The following STK3 variants were observed in gnomAD, a reference collection of about 807,000 sequenced individuals.
STK3 encodes the protein serine/threonine-protein kinase 3.
STK3 carries 41 observed loss-of-function variants against 58.0 expected under a neutral mutation model. The observed-to-expected ratio is 0.71, with a 90% CI of 0.55 to 0.92. The LOEUF is 0.92. Ranked by LOEUF, STK3 falls within the 40% of genes least tolerant of loss-of-function variation. The pLI, the probability that STK3 is intolerant of heterozygous loss-of-function variation, is 0.00. For synonymous variants in STK3, 170 were observed against 191.0 expected (o/e 0.89, Z 0.91); for missense variants, 479 against 602.7 (o/e 0.79, Z 2.15).
chr8:98,930,472 G>T (rs1161921196), intron 1 of STK3, among the ~76,000 whole-genome samples: 1 of 152,112 alleles, frequency 6.6e-6, no homozygotes, highest in Non-Finnish European at 1.5e-5. Context: ...CTGCTGCAAG[G>T]TCTGAATTAA....
chr8:98,774,959 T>C (rs988941031), intron 1 of STK3, 140 bp from the exon 2 acceptor site: 1 of 518,192 alleles, frequency 1.9e-6, no homozygotes, highest in South Asian at 4.1e-5. Context: ...ACATACATAG[T>C]AAACATTCTC....
intron 4 of STK3, among the ~76,000 whole-genome samples, chr8:98,730,324 T>C (rs1828081862): frequency 6.6e-6 from 1 of 152,218 alleles, no homozygotes; most frequent in South Asian, 2.1e-4. Context: ...TATTTTGTGT[T>C]CCCTCACACC....
intron 1 of STK3, chr8:98,905,468 T>A (rs1223725588): frequency 1.1e-5 from 14 of 1,260,182 alleles, no homozygotes; most frequent in Middle Eastern, 1.9e-4. Flanking sequence ...TCTTGCTGGC[T>A]TCCACGTTGA....
intron 1 of STK3, among the ~76,000 whole-genome samples, chr8:98,886,421 A>G (rs1345860959): frequency 6.6e-6 from 1 of 152,244 alleles, no homozygotes; most frequent in Non-Finnish European, 1.5e-5. Flanking sequence ...CAAATGTTCA[A>G]TGCAATGTAT....
intron 3 of STK3, among the ~76,000 whole-genome samples, chr8:98,835,319 T>C (rs1034668125): frequency 5.9e-5 from 9 of 152,244 alleles, no homozygotes; most frequent in Non-Finnish European, 1.3e-4. Context: ...AATTTTTCTT[T>C]ACCAGATGGC....
chr8:98,937,325 T>C (rs950570880), intron 1 of STK3, among the ~76,000 whole-genome samples: 2 of 152,210 alleles, frequency 1.3e-5, no homozygotes, highest in African/African-American at 4.8e-5. Context: ...TGGCATGAAG[T>C]GAAATAACAT....
intron 10 of STK3, among the ~76,000 whole-genome samples, chr8:98,515,738 T>C (rs1267311367): frequency 6.6e-6 from 1 of 151,996 alleles, no homozygotes; most frequent in African/African-American, 2.4e-5. Context: ...CAGGCATTAG[T>C]TTCTTCAGTT....
At chr8:98,742,885 C>G (rs1829331177) in intron 4 of STK3, among the ~76,000 whole-genome samples, 1 of 152,130 alleles carries the variant, frequency 6.6e-6, no homozygotes, top group South Asian at 2.1e-4. Context: ...AGCAAAGTCT[C>G]AGGATACAAA....
downstream of STK3, among the ~76,000 whole-genome samples, chr8:98,454,200 T>G (rs72666612): frequency 0.03 from 4,566 of 152,292 alleles, 106 homozygotes; most frequent in South Asian, 0.061. Flanking sequence ...ATTAGTGAAC[T>G]CATCAGCTTT....
chr8:98,644,705 G>A (rs1223225408), intron 6 of STK3, among the ~76,000 whole-genome samples: 2 of 151,972 alleles, frequency 1.3e-5, no homozygotes, highest in East Asian at 3.8e-4. Flanking sequence ...GAAGGCATAT[G>A]ACTCCTCCCC....
chr8:98,444,944 C>T (rs909279448), intron 1 of STK3, among the ~76,000 whole-genome samples: 1 of 152,102 alleles, frequency 6.6e-6, no homozygotes, highest in African/African-American at 2.4e-5. Context: ...TGGCATGCTT[C>T]CCTATGGGTG....
intron 4 of STK3, among the ~76,000 whole-genome samples, chr8:98,711,968 G>T (rs74446071): frequency 6.6e-6 from 1 of 152,114 alleles, no homozygotes; most frequent in Non-Finnish European, 1.5e-5. Flanking sequence ...GAAGACAGGG[G>T]GGCCAATAGT....
chr8:98,460,702 A>G (rs1819886575), intron 10 of STK3, among the ~76,000 whole-genome samples: 2 of 152,232 alleles, frequency 1.3e-5, no homozygotes, highest in African/African-American at 4.8e-5. Context: ...TCTCATGATA[A>G]TGAGTGAATT....
At chr8:98,903,486 A>AGTT (rs1587825305) in intron 1 of STK3, among the ~76,000 whole-genome samples, 2 of 142,890 alleles carry the variant, frequency 1.4e-5, no homozygotes, top group South Asian at 2.2e-4. Context: ...CAATTTAGGA[A>AGTT]GTTCTTCTTC....
At chr8:98,449,821 G>C (rs1358382469), downstream of STK3, among the ~76,000 whole-genome samples, 2 of 152,142 alleles carry the variant, frequency 1.3e-5, no homozygotes, top group African/African-American at 4.8e-5. Context: ...TCCGGAAATG[G>C]ATTGGTCTCT....
At chr8:98,640,076 C>A (rs988571277) in intron 6 of STK3, among the ~76,000 whole-genome samples, 2 of 152,136 alleles carry the variant, frequency 1.3e-5, no homozygotes, top group African/African-American at 4.8e-5. Flanking sequence ...CATTCAGAGA[C>A]AGGATCTCAC....
At chr8:98,940,762 C>T (rs1430546871) in intron 1 of STK3, among the ~76,000 whole-genome samples, 1 of 152,220 alleles carries the variant, frequency 6.6e-6, no homozygotes, top group Non-Finnish European at 1.5e-5. Flanking sequence ...GAACTGGTAT[C>T]TTTCTCCTCC....
chr8:98,584,187 C>T (rs57869551), intron 7 of STK3, among the ~76,000 whole-genome samples: 2,050 of 151,428 alleles, frequency 0.014, 34 homozygotes, highest in African/African-American at 0.046. Context: ...CATGCTGGTG[C>T]GCTGCACCCA....
At chr8:98,469,124 G>A (rs1396632203) in intron 10 of STK3, among the ~76,000 whole-genome samples, 4 of 150,374 alleles carry the variant, frequency 2.7e-5, no homozygotes, top group Non-Finnish European at 5.9e-5. Flanking sequence ...AAAAAAGAAA[G>A]AAAAGAAAGA....
Sources: allele counts gnomAD v4.1 joint callset (sites outside exome capture counted in the v4.1 genomes callset), GRCh38; gene constraint gnomAD v4.1.1; transcripts MANE v1.5; gene names NCBI Gene and HGNC (gene_info 2026-07-23, HGNC 2026-07-21).